Variants in ATRN observed in about 807,000 individuals in gnomAD.
The protein encoded by ATRN is attractin-2.
ATRN carries 54 observed loss-of-function variants against 178.7 expected under a neutral mutation model. That is an observed-to-expected ratio of 0.30 (90% CI 0.24 to 0.38). The LOEUF (loss-of-function observed/expected upper bound fraction) is 0.38, where lower values mean the gene tolerates loss of function less well. ATRN is among the 10% of genes least tolerant of loss of function. The probability of loss-of-function intolerance (pLI) is 1.00; values close to 1 mark genes in which losing one functional copy is unlikely to be tolerated. For synonymous variants in ATRN, 636 were observed against 663.0 expected, an observed-to-expected ratio of 0.96 and a Z score of 0.63; for missense variants, 1,443 against 1,815.1, an observed-to-expected ratio of 0.79 and a Z score of 3.73.
Position 3,610,567 on chromosome 20 carries a change from A to ATTTTT in ATRN, c.3801+6324_3801+6328dup, listed in dbSNP as rs35770410. 1.9e-4 allele frequency among the ~76,000 whole-genome samples: 18 copies of ATTTTT among 93,646 alleles called. 1 individual carries two copies. The highest frequency in any genetic ancestry group is 2.6e-4 in the Non-Finnish European group (13 of 49,420). The allele number at this position is 93,646 out of a possible 152,430, so 61.4% of individuals were successfully genotyped here. A position where few individuals can be genotyped will look rare whatever the true frequency, so the allele number is the denominator to read the frequency against. On this transcript the variant is annotated intron_variant, in intron 24 of 28. Transcript: ENST00000262919. ...ACACCGCCACGCTAGTTCCAGCTGAATTTTTTTTTTTTTTTTTTTTTTTGA... is the reference window on the plus strand; with the variant it reads ...ACACCGCCACGCTAGTTCCAGCTGAATTTTTTTTTTTTTTTTTTTTTTTTTTTTGA...
At chr20:3,482,436 T>A (rs910096556) in intron 1 of ATRN, among the ~76,000 whole-genome samples, 17 of 152,208 alleles carry the variant, frequency 1.1e-4, no homozygotes, top group Admixed American at 6.5e-4. Flanking sequence ...GTGTTTTGAT[T>A]CTGAATGATA....
chr20:3,555,505 C>T (rs645678), intron 6 of ATRN, among the ~76,000 whole-genome samples: 5,442 of 152,214 alleles, frequency 0.036, 141 homozygotes, highest in Non-Finnish European at 0.05. Context: ...CTACCCAGAA[C>T]TCAGAGCTTC....
intron 2 of ATRN, among the ~76,000 whole-genome samples, chr20:3,537,516 TA>T (rs1409854819): frequency 2.6e-4 from 36 of 136,976 alleles, no homozygotes; most frequent in Non-Finnish European, 3.6e-4. Context: ...TTTTTTATTT[TA>T]TTTTTTTATT....
At chr20:3,491,840 G>A (rs1439344716) in intron 1 of ATRN, among the ~76,000 whole-genome samples, 1 of 151,392 alleles carries the variant, frequency 6.6e-6, no homozygotes, top group Non-Finnish European at 1.5e-5. Context: ...GATTGTGTAG[G>A]TCTTTGTAGT....
At chr20:3,575,981 A>G (rs1482802676) in intron 13 of ATRN, 33 bp downstream of exon 13, 8 of 1,608,530 alleles carry the variant, frequency 5.0e-6, no homozygotes, top group Non-Finnish European at 6.8e-6. Flanking sequence ...TTTCAGAAAA[A>G]TCCCAATTTG....
At chr20:3,621,029 T>C (rs2086893310) in intron 24 of ATRN, among the ~76,000 whole-genome samples, 2 of 152,164 alleles carry the variant, frequency 1.3e-5, no homozygotes, top group Non-Finnish European at 2.9e-5. Flanking sequence ...TTAGTGTTAG[T>C]GTATTTTATG....
intron 24 of ATRN, among the ~76,000 whole-genome samples, 186 bp downstream of exon 24, chr20:3,604,448 A>G (rs921667586): frequency 6.6e-6 from 1 of 152,380 alleles, no homozygotes; most frequent in African/African-American, 2.4e-5. Context: ...GATGGACTGT[A>G]TCACTCATGA....
intron 1 of ATRN, among the ~76,000 whole-genome samples, chr20:3,476,718 G>T (rs1332578656): frequency 6.6e-6 from 1 of 152,192 alleles, no homozygotes; most frequent in South Asian, 2.1e-4. Flanking sequence ...AAATTAGCCA[G>T]GCATGGTGGC....
intron 13 of ATRN, among the ~76,000 whole-genome samples, 170 bp downstream of exon 13, chr20:3,576,118 C>T (rs1406777675): frequency 6.6e-6 from 1 of 152,172 alleles, no homozygotes; most frequent in East Asian, 1.9e-4. Flanking sequence ...CTGTATATTT[C>T]AAGGGTCCTA....
At chr20:3,565,055 ACT>A (rs912928081) in intron 10 of ATRN, among the ~76,000 whole-genome samples, 45 of 152,112 alleles carry the variant, frequency 3.0e-4, no homozygotes, top group African/African-American at 1.1e-3. Context: ...ACAGAGCGAG[ACT>A]CTGTCTCAAT....
In ATRN at chr20:3,549,355, AT is replaced by A; in HGVS notation, c.1112+22del. On this transcript the variant is annotated intron_variant, in intron 6 of 28. Transcript: ENST00000262919. ...GGTTCTAGCGTAAGTCGTTTTAAAC[AT>A]TTTTGCAAGAAGCTTAGTTTTTTAT... 1 of 1,503,258 alleles carries A rather than the reference AT, an allele frequency of 6.7e-7. No individual in the cohort carries two copies. Among genetic ancestry groups the A allele is most frequent in the Admixed American group, 2.6e-5 (1 of 37,820 alleles). 93.1% of individuals were successfully genotyped at this position (1,503,258 alleles called of 1,614,324 possible). A position where few individuals can be genotyped will look rare whatever the true frequency, so the allele number is the denominator to read the frequency against.
Position 3,526,114 on chromosome 20 carries a change from C to T in ATRN, c.411-9139C>T, listed in dbSNP as rs2085360922. Among the ~76,000 whole-genome samples, 4 of 152,184 alleles carry T rather than the reference C, an allele frequency of 2.6e-5. No homozygotes were observed. In the South Asian group the frequency reaches 6.2e-4, roughly 24 times the overall value. ...AGGAAGAGAGAAAGTCAAATTATCT[C>T]TGTTTGCAGATGACATGATTGTATA... On this transcript the variant is annotated intron_variant, in intron 1 of 28. Coordinates refer to ENST00000262919, the MANE Select transcript of ATRN (RefSeq NM_139321.3).
intron 1 of ATRN, chr20:3,489,577 A>G: frequency 6.8e-7 from 1 of 1,481,448 alleles, no homozygotes; most frequent in Non-Finnish European, 9.4e-7. Context: ...TCTTATTCAC[A>G]ACATTCCCAC....
At chr20:3,574,412 G>C (rs2086174746) in intron 12 of ATRN, among the ~76,000 whole-genome samples, 1 of 152,204 alleles carries the variant, frequency 6.6e-6, no homozygotes, top group Admixed American at 6.5e-5. Context: ...CAGCTACTAG[G>C]GTGGCTGAGG....
chr20:3,507,455 C>T (rs2085062152), intron 1 of ATRN, among the ~76,000 whole-genome samples: 1 of 150,744 alleles, frequency 6.6e-6, no homozygotes, highest in African/African-American at 2.4e-5. Context: ...ACTGCAATTA[C>T]TTTTGCACAT....
chr20:3,593,412 T>C (rs2086481149), intron 19 of ATRN, among the ~76,000 whole-genome samples: 1 of 152,226 alleles, frequency 6.6e-6, no homozygotes, highest in Non-Finnish European at 1.5e-5. Context: ...CATATACATA[T>C]CATCACAAAC....
At chr20:3,640,261 G>A (rs2146326093) in intron 27 of ATRN, among the ~76,000 whole-genome samples, 1 of 152,228 alleles carries the variant, frequency 6.6e-6, no homozygotes, top group African/African-American at 2.4e-5. Context: ...TAGCATATCA[G>A]ACATAAGAGA....
chr20:3,606,069 A>G (rs1373241299), intron 24 of ATRN, among the ~76,000 whole-genome samples: 1 of 152,070 alleles, frequency 6.6e-6, no homozygotes, highest in Non-Finnish European at 1.5e-5. Flanking sequence ...CCATGGTCTA[A>G]GATTTGTTAA....
rs867061227 is a variant in ATRN, at chr20:3,575,468, A to G, written c.2093-359A>G. ...TAGGAGGAATGACTTGGTGTCCTAC[A>G]ATATTTTGGCTCCTGGGCTTCTTTG... On this transcript the variant is annotated intron_variant, in intron 12 of 28. Coordinates refer to ENST00000262919, the MANE Select transcript of ATRN (RefSeq NM_139321.3). 1.4e-4 allele frequency among the ~76,000 whole-genome samples: 22 copies of G among 152,096 alleles called. 1 individual carries two copies. The highest frequency in any genetic ancestry group is 6.8e-3 in the Middle Eastern group (2 of 292).
Sources: gnomAD v4.1 joint callset for allele counts (sites outside exome capture counted in the v4.1 genomes callset) on GRCh38, gnomAD v4.1.1 for gene constraint, MANE v1.5 for transcripts, NCBI Gene and HGNC (gene_info 2026-07-23, HGNC 2026-07-21) for gene names.